ADCK1: variants seen among roughly 807,000 people sequenced by gnomAD.
ADCK1 encodes the protein aarF domain-containing protein kinase 1.
ADCK1 carries 41 observed loss-of-function variants against 52.3 expected under a neutral mutation model. That is an observed-to-expected ratio of 0.78 (90% confidence interval 0.61 to 1.02). ADCK1 has a LOEUF of 1.02. Ranked by LOEUF, ADCK1 falls within the 50% of genes least tolerant of loss-of-function variation. The pLI is 0.00. For missense variants in ADCK1, 658 were observed against 679.5 expected, an observed-to-expected ratio of 0.97 and a Z score of 0.35; for synonymous variants, 250 against 274.6, an observed-to-expected ratio of 0.91 and a Z score of 0.89.
chr14:77,830,445 G>A (rs1314015780), intron 3 of ADCK1, among the ~76,000 whole-genome samples: 2 of 151,014 alleles, frequency 1.3e-5, no homozygotes, highest in Non-Finnish European at 3.0e-5. Flanking sequence ...ATGAGCCACC[G>A]TGCCTCGCCA....
intron 1 of ADCK1, among the ~76,000 whole-genome samples, chr14:77,809,131 G>A (rs977856269): frequency 6.6e-6 from 1 of 152,000 alleles, no homozygotes; most frequent in Admixed American, 6.6e-5. Context: ...GGCCTTGAGT[G>A]TCTTGCAAGG....
intron 3 of ADCK1, among the ~76,000 whole-genome samples, chr14:77,831,371 T>C (rs987347916): frequency 6.6e-6 from 1 of 152,074 alleles, no homozygotes; most frequent in Admixed American, 6.5e-5. Flanking sequence ...GTGTGAAACA[T>C]AGGGATAGAA....
intron 4 of ADCK1, among the ~76,000 whole-genome samples, chr14:77,886,451 G>C (rs1274626369): frequency 6.6e-6 from 1 of 152,244 alleles, no homozygotes; most frequent in African/African-American, 2.4e-5. Flanking sequence ...GGCAAATAAA[G>C]CTCAGTTCTG....
chr14:77,915,799 G>T (rs2083911197), intron 7 of ADCK1, among the ~76,000 whole-genome samples: 1 of 152,214 alleles, frequency 6.6e-6, no homozygotes, highest in South Asian at 2.1e-4. Flanking sequence ...TGGCCTTCCT[G>T]GATTCAGGTG....
chr14:77,819,447 C>G (rs1183495542), intron 2 of ADCK1, among the ~76,000 whole-genome samples: 1 of 152,124 alleles, frequency 6.6e-6, no homozygotes, highest in African/African-American at 2.4e-5. Context: ...CAAGAGGGGC[C>G]GTGCTCTTCA....
chr14:77,821,832 G>C (rs995625834), intron 2 of ADCK1, among the ~76,000 whole-genome samples: 1 of 139,144 alleles, frequency 7.2e-6, no homozygotes, highest in Non-Finnish European at 1.5e-5. Flanking sequence ...AGTGAGCCAA[G>C]ATCACCGAGA....
chr14:77,889,900 A>AC (rs1566705818), intron 5 of ADCK1, among the ~76,000 whole-genome samples: 2 of 151,694 alleles, frequency 1.3e-5, no homozygotes, highest in African/African-American at 2.4e-5. Context: ...AAAAAAAAAA[A>AC]AAAACAGAAG....
At chr14:77,888,149 A>G (rs907062272) in intron 5 of ADCK1, among the ~76,000 whole-genome samples, 5 of 152,022 alleles carry the variant, frequency 3.3e-5, no homozygotes, top group African/African-American at 7.2e-5. Flanking sequence ...GCCTGGATGG[A>G]TGGGGCACCA....
At chr14:77,903,743 A>T (rs913728893) in intron 6 of ADCK1, among the ~76,000 whole-genome samples, 2 of 152,080 alleles carry the variant, frequency 1.3e-5, no homozygotes, top group Non-Finnish European at 2.9e-5. Context: ...CCTTAGTGTG[A>T]GGTAAGGAGC....
At chr14:77,836,195 A>C (rs1001794628) in intron 3 of ADCK1, among the ~76,000 whole-genome samples, 2 of 152,146 alleles carry the variant, frequency 1.3e-5, no homozygotes, top group African/African-American at 4.8e-5. Flanking sequence ...TCTACCTTCC[A>C]TTATGGGATG....
intron 4 of ADCK1, among the ~76,000 whole-genome samples, chr14:77,873,378 G>T (rs957424376): frequency 6.6e-6 from 1 of 152,208 alleles, no homozygotes; most frequent in Non-Finnish European, 1.5e-5. Flanking sequence ...GCCATGGGAG[G>T]CCCTGTTCAA....
intron 5 of ADCK1, among the ~76,000 whole-genome samples, chr14:77,896,563 G>A (rs549355578): frequency 6.6e-6 from 1 of 152,326 alleles, no homozygotes; most frequent in South Asian, 2.1e-4. Context: ...CCTCCGCCTG[G>A]GCCTGGGGGA....
chr14:77,887,309 CCA>C (rs2083181176), intron 5 of ADCK1, 60 bp downstream of exon 5: 3 of 1,477,674 alleles, frequency 2.0e-6, no homozygotes. Flanking sequence ...GGGATCCAGG[CCA>C]CCTAGGTGGA....
intron 4 of ADCK1, among the ~76,000 whole-genome samples, chr14:77,866,266 A>C (rs1298497293): frequency 6.6e-6 from 1 of 152,246 alleles, no homozygotes; most frequent in Non-Finnish European, 1.5e-5. Context: ...CAGTAAAAAT[A>C]TGGTATTATT....
intron 4 of ADCK1, among the ~76,000 whole-genome samples, chr14:77,868,423 G>A (rs1038084422): frequency 2.0e-5 from 3 of 152,320 alleles, no homozygotes; most frequent in East Asian, 3.9e-4. Flanking sequence ...GTGGGCCTCC[G>A]TAGCTTGCAT....
In ADCK1 at chr14:77,899,720, T is replaced by A. The variant is rs145078960; in HGVS notation, c.741+462T>A. Reference sequence around the variant, plus strand: ...AATACTGCAGTTATGGAAAATCACATAAGAGAAACCACAGAGCTTATGGGG... The same window carrying A: ...AATACTGCAGTTATGGAAAATCACAAAAGAGAAACCACAGAGCTTATGGGG... On this transcript the variant is annotated intron_variant, in intron 6 of 10. Transcript: ENST00000238561. Among the ~76,000 whole-genome samples the A allele has an allele frequency of 1.6e-3, 247 of 152,190 alleles. 2 individuals are homozygous for A. In the Middle Eastern group the frequency reaches 0.017, roughly 10 times the overall value.
intron 3 of ADCK1, among the ~76,000 whole-genome samples, chr14:77,838,278 A>G (rs991753599): frequency 2.0e-5 from 3 of 152,124 alleles, no homozygotes; most frequent in East Asian, 1.9e-4. Flanking sequence ...ATACAAATAA[A>G]CTGTTGACTG....
At chr14:77,881,097 C>A (rs1207995736) in intron 4 of ADCK1, among the ~76,000 whole-genome samples, 5 of 152,194 alleles carry the variant, frequency 3.3e-5, no homozygotes, top group African/African-American at 1.2e-4. Context: ...TTACCCACGT[C>A]CCACCTACAA....
At chr14:77,868,540 A>G (rs1243290051) in intron 4 of ADCK1, among the ~76,000 whole-genome samples, 1 of 151,984 alleles carries the variant, frequency 6.6e-6, no homozygotes, top group East Asian at 1.9e-4. Flanking sequence ...TTGTCTTGCC[A>G]GTGGTTTGGG....
Sources: gnomAD v4.1 joint callset for allele counts (sites outside exome capture counted in the v4.1 genomes callset) on GRCh38, gnomAD v4.1.1 for gene constraint, MANE v1.5 for transcripts, NCBI Gene and HGNC (gene_info 2026-07-23, HGNC 2026-07-21) for gene names.